The following BTLA variants were observed in gnomAD, a reference collection of about 807,000 sequenced individuals.
BTLA encodes B- and T-lymphocyte attenuator.
In BTLA, 11 loss-of-function variants were observed where a neutral mutation model predicts 25.0. The observed-to-expected ratio is 0.44, with a 90% CI of 0.28 to 0.73. BTLA has a LOEUF of 0.73. Ranked by LOEUF, BTLA falls within the 30% of genes least tolerant of loss-of-function variation. The pLI, the probability that BTLA is intolerant of heterozygous loss-of-function variation, is 0.15. For synonymous variants in BTLA, 104 were observed against 119.8 expected (o/e 0.87, Z 0.86); for missense variants, 282 against 332.8 (o/e 0.85, Z 1.19).
At chr3:112,472,122 A>G (rs1194560253) in intron 2 of BTLA, among the ~76,000 whole-genome samples, 1 of 152,188 alleles carries the variant, frequency 6.6e-6, no homozygotes, top group Non-Finnish European at 1.5e-5. Flanking sequence ...TTTTGGCTGT[A>G]ACAAGGTAGG....
chr3:112,484,073 G>C (rs2082333323), intron 1 of BTLA, among the ~76,000 whole-genome samples: 2 of 152,202 alleles, frequency 1.3e-5, no homozygotes, highest in Admixed American at 1.3e-4. Flanking sequence ...GAACCTTGGT[G>C]AATGAGTAGC....
chr3:112,478,694 T>C (rs1311856966), intron 2 of BTLA, among the ~76,000 whole-genome samples: 1 of 152,314 alleles, frequency 6.6e-6, no homozygotes, highest in East Asian at 1.9e-4. Context: ...GATCCATGTC[T>C]TGTTCCTGTT....
intron 1 of BTLA, among the ~76,000 whole-genome samples, chr3:112,494,014 T>G (rs1359391133): frequency 8.6e-5 from 13 of 151,842 alleles, no homozygotes; most frequent in Admixed American, 8.5e-4. Context: ...GGAGGCTGAG[T>G]TAGGAGAATG....
chr3:112,499,159 C>G, intron 1 of BTLA, 112 bp downstream of exon 1: 1 of 742,310 alleles, frequency 1.3e-6, no homozygotes, highest in Non-Finnish European at 2.2e-6. Flanking sequence ...GTTTCATCTA[C>G]GATTACCCAC....
chr3:112,498,569 T>C (rs1001651128), intron 1 of BTLA, among the ~76,000 whole-genome samples: 46 of 63,794 alleles, frequency 7.2e-4, no homozygotes, highest in Non-Finnish European at 9.8e-4. Context: ...AGAAATTGCC[T>C]TTTTTTTTTT....
intron 2 of BTLA, among the ~76,000 whole-genome samples, chr3:112,477,357 GT>G (rs71134836): frequency 0.76 from 112,316 of 148,586 alleles, 47,446 homozygotes; most frequent in Non-Finnish European, 0.95. Context: ...TATTTTCTGT[GT>G]TTTTTTTTTT....
At chr3:112,473,576 T>C (rs943963285) in intron 2 of BTLA, among the ~76,000 whole-genome samples, 1 of 151,710 alleles carries the variant, frequency 6.6e-6, no homozygotes, top group Non-Finnish European at 1.5e-5. Context: ...CCACAGATAA[T>C]GATCACATTT....
In BTLA at chr3:112,476,938, T is replaced by C. The variant is rs368307048; in HGVS notation, c.403+2517A>G. On this transcript the variant is annotated intron_variant, in intron 2 of 4. Coordinates refer to ENST00000334529, the MANE Select transcript of BTLA (RefSeq NM_181780.4). ...ATATTTCATATAATCAGAATCACAT[T>C]GTATGTAACCTTTTTCTTCTTTTAC... is the stretch of plus-strand genomic sequence containing the variant. Among the ~76,000 whole-genome samples the C allele has an allele frequency of 7.9e-5, 12 of 152,322 alleles. No homozygotes were observed. In the East Asian group the frequency reaches 1.9e-3, roughly 24 times the overall value.
rs913594504 is a variant in BTLA, at chr3:112,464,544, A to C, written c.*1564T>G. On this transcript the variant is annotated 3_prime_UTR_variant, in exon 5 of 5. Coordinates refer to ENST00000334529, the MANE Select transcript of BTLA (RefSeq NM_181780.4). ...TGGCAAAATAACAGTGACTCAAAAG[A>C]ATATTTGCACCCCCAAATCTAAGGA... is the stretch of plus-strand genomic sequence containing the variant. 5.6e-6 allele frequency: 1 copy of C among 177,134 alleles called. No homozygotes were observed. Among genetic ancestry groups the C allele is most frequent in the African/African-American group, 2.3e-5 (1 of 42,694 alleles). 11.0% of individuals were successfully genotyped at this position (177,134 alleles called of 1,614,324 possible).
rs1039184772 is a variant in BTLA at position 112,465,962 on chromosome 3, G to C, written c.*146C>G. On this transcript the variant is annotated 3_prime_UTR_variant, in exon 5 of 5. Transcript: ENST00000334529. ...GAGAAATTTTAATCATTTATCCTAT[G>C]GACCCTTAAGACCCAAGCACTAACA... 1 of 822,922 alleles carries C rather than the reference G, an allele frequency of 1.2e-6. No individual in the cohort carries two copies. Among genetic ancestry groups the C allele is most frequent in the African/African-American group, 1.7e-5 (1 of 59,446 alleles). 51.0% of individuals were successfully genotyped at this position (822,922 alleles called of 1,614,324 possible).
intron 3 of BTLA, chr3:112,470,043 T>A (rs961649717): frequency 4.4e-5 from 18 of 404,544 alleles, no homozygotes; most frequent in African/African-American, 3.7e-4. Context: ...AGGGGAGGGA[T>A]CTAGTATATC....
chr3:112,490,278 T>C (rs930303606), intron 1 of BTLA, among the ~76,000 whole-genome samples: 1 of 152,212 alleles, frequency 6.6e-6, no homozygotes, highest in African/African-American at 2.4e-5. Flanking sequence ...GTACTAGGAA[T>C]ACCTGGAGAA....
At chr3:112,495,498 C>T (rs898349454) in intron 1 of BTLA, among the ~76,000 whole-genome samples, 4 of 152,178 alleles carry the variant, frequency 2.6e-5, no homozygotes, top group African/African-American at 9.7e-5. Flanking sequence ...AATTTAAAAA[C>T]TTCTCTGTGA....
chr3:112,494,193 A>G (rs2082395960), intron 1 of BTLA, among the ~76,000 whole-genome samples: 1 of 152,234 alleles, frequency 6.6e-6, no homozygotes, highest in Non-Finnish European at 1.5e-5. Context: ...AATGTAAATC[A>G]AAACCACAAG....
At chr3:112,467,081 C>T (rs1388913385) in intron 4 of BTLA, among the ~76,000 whole-genome samples, 1 of 152,110 alleles carries the variant, frequency 6.6e-6, no homozygotes, top group African/African-American at 2.4e-5. Context: ...CCTCAGCCTC[C>T]CGAGTAGCTG....
At chr3:112,492,391 G>T (rs2082384926) in intron 1 of BTLA, among the ~76,000 whole-genome samples, 1 of 152,196 alleles carries the variant, frequency 6.6e-6, no homozygotes, top group African/African-American at 2.4e-5. Context: ...GAAACATAGG[G>T]CAGCAAATGT....
At chr3:112,489,367 G>A (rs2082367106) in intron 1 of BTLA, among the ~76,000 whole-genome samples, 1 of 151,796 alleles carries the variant, frequency 6.6e-6, no homozygotes, top group Non-Finnish European at 1.5e-5. Context: ...AAAAAAAAGA[G>A]GGTTATGATT....
In BTLA at chr3:112,466,459, G is replaced by A. The variant is rs116108770; in HGVS notation, c.595-76C>T. On this transcript the variant is annotated intron_variant, in intron 4 of 4. Transcript: ENST00000334529. ...GCATATTCATTAGCAAACTATGAATGAAAAGCTTAAATGGAGTCATGTCCA... is the reference window on the plus strand; with the variant it reads ...GCATATTCATTAGCAAACTATGAATAAAAAGCTTAAATGGAGTCATGTCCA... 2,309 of 1,346,722 alleles carry A rather than the reference G, an allele frequency of 1.7e-3. 27 individuals are homozygous for A. In the African/African-American group the frequency reaches 0.03, roughly 17 times the overall value. The allele number at this position is 1,346,722 out of a possible 1,614,324, so 83.4% of individuals were successfully genotyped here. A position where few individuals can be genotyped will look rare whatever the true frequency, so the allele number is the denominator to read the frequency against.
chr3:112,473,472 C>G (rs2107314182), intron 2 of BTLA, among the ~76,000 whole-genome samples: 1 of 152,240 alleles, frequency 6.6e-6, no homozygotes, highest in South Asian at 2.1e-4. Flanking sequence ...TCTCTGGCAC[C>G]TGGAATAAGA....
Sources: gnomAD v4.1 joint callset for allele counts (sites outside exome capture counted in the v4.1 genomes callset) on GRCh38, gnomAD v4.1.1 for gene constraint, MANE v1.5 for transcripts, NCBI Gene and HGNC (gene_info 2026-07-23, HGNC 2026-07-21) for gene names.